BRD10: variants seen among roughly 807,000 people sequenced by gnomAD.
BRD10 encodes bromodomain containing 10.
At chr9:5,916,981 G>A in the BRD10 span, among the ~76,000 whole-genome samples, 13 of 152,168 alleles carry the variant, frequency 8.5e-5, no homozygotes, top group South Asian at 6.2e-4. Context: ...GGTTTTTGAA[G>A]ATATAAATCC....
chr9:5,942,896 G>C, the BRD10 span, among the ~76,000 whole-genome samples: 3 of 151,844 alleles, frequency 2.0e-5, no homozygotes, highest in East Asian at 1.9e-4. Flanking sequence ...CTGTTTTTTT[G>C]AGTCAGGCTC....
chr9:5,988,156 A>G, the BRD10 span, among the ~76,000 whole-genome samples: 1 of 152,214 alleles, frequency 6.6e-6, no homozygotes, highest in Admixed American at 6.5e-5. Context: ...TTATTTTTGT[A>G]TAGCTTCAAG....
At chr9:5,947,991 C>T in the BRD10 span, among the ~76,000 whole-genome samples, 118 of 152,250 alleles carry the variant, frequency 7.8e-4, no homozygotes, top group African/African-American at 2.7e-3. Context: ...ACATTGCTAA[C>T]ACTTATGAGA....
chr9:5,954,118 C>G, the BRD10 span: 4 of 1,338,404 alleles, frequency 3.0e-6, no homozygotes, highest in South Asian at 5.0e-5. Flanking sequence ...AAAGAGAAAA[C>G]CTTCATAATG....
At chr9:5,949,423 A>G in the BRD10 span, among the ~76,000 whole-genome samples, 2 of 152,192 alleles carry the variant, frequency 1.3e-5, no homozygotes, top group South Asian at 4.1e-4. Flanking sequence ...TTTGGTTTCA[A>G]TTTGTTATGT....
chr9:5,962,112 A>G, the BRD10 span, among the ~76,000 whole-genome samples: 5 of 152,182 alleles, frequency 3.3e-5, no homozygotes, highest in African/African-American at 1.2e-4. Flanking sequence ...TCTTGTGGGC[A>G]TTTAGTGCTA....
chr9:6,000,472 T>C, the BRD10 span, among the ~76,000 whole-genome samples: 6 of 152,136 alleles, frequency 3.9e-5, no homozygotes, highest in Non-Finnish European at 7.4e-5. Flanking sequence ...AGGGATGACA[T>C]TTTCTCTCCA....
chr9:5,970,948 A>C, the BRD10 span, among the ~76,000 whole-genome samples: 2 of 147,934 alleles, frequency 1.4e-5, no homozygotes, highest in Non-Finnish European at 3.0e-5. Flanking sequence ...GCTACTAGGG[A>C]GGCTGAGGCA....
At chr9:5,999,807 T>G in the BRD10 span, among the ~76,000 whole-genome samples, 135 of 152,028 alleles carry the variant, frequency 8.9e-4, no homozygotes, top group African/African-American at 3.2e-3. Flanking sequence ...ATATCCATCT[T>G]TGAATCTCCC....
chr9:5,996,717 A>G, the BRD10 span, among the ~76,000 whole-genome samples: 1 of 152,340 alleles, frequency 6.6e-6, no homozygotes, highest in Non-Finnish European at 1.5e-5. Flanking sequence ...AGGCAAATGC[A>G]AAGTTTTTAT....
At chr9:5,882,404 GA>G in the BRD10 span, among the ~76,000 whole-genome samples, 1 of 152,188 alleles carries the variant, frequency 6.6e-6, no homozygotes, top group Non-Finnish European at 1.5e-5. Flanking sequence ...AAACAAGTGT[GA>G]AAGTAGTCAG....
At chr9:5,911,439 T>G in the BRD10 span, among the ~76,000 whole-genome samples, 3 of 150,606 alleles carry the variant, frequency 2.0e-5, no homozygotes, top group Admixed American at 2.0e-4. Context: ...AGTACCATGA[T>G]GTTTTGGTTA....
chr9:5,974,125 A>C, the BRD10 span, among the ~76,000 whole-genome samples: 1 of 152,192 alleles, frequency 6.6e-6, no homozygotes, highest in Admixed American at 6.5e-5. Flanking sequence ...ACACAAAAAA[A>C]ATCTTAAAAG....
chr9:6,003,172 A>G, the BRD10 span, among the ~76,000 whole-genome samples: 3 of 152,232 alleles, frequency 2.0e-5, no homozygotes, highest in Admixed American at 1.3e-4. Context: ...TATTTTCACC[A>G]AGATATTATC....
chr9:5,904,807 T>A, the BRD10 span, among the ~76,000 whole-genome samples: 1 of 149,640 alleles, frequency 6.7e-6, no homozygotes, highest in Non-Finnish European at 1.5e-5. Context: ...GGAGTCTCAC[T>A]CCGTTGCCCA....
the BRD10 span, chr9:5,907,144 C>T: frequency 4.8e-6 from 2 of 416,786 alleles, no homozygotes; most frequent in African/African-American, 4.1e-5. Context: ...GTTAAAATGG[C>T]AACTTTTATG....
chr9:5,886,659 T>C, the BRD10 span, among the ~76,000 whole-genome samples: 1 of 152,078 alleles, frequency 6.6e-6, no homozygotes, highest in Admixed American at 6.5e-5. Context: ...TTGGAAGTGT[T>C]GAAAATGAAG....
the BRD10 span, among the ~76,000 whole-genome samples, chr9:5,918,030 T>A: frequency 3.9e-5 from 6 of 152,256 alleles, no homozygotes; most frequent in African/African-American, 1.4e-4. Context: ...CAGCCATTTG[T>A]TGAGCACCAT....
the BRD10 span, among the ~76,000 whole-genome samples, chr9:6,005,759 A>T: frequency 6.6e-6 from 1 of 152,258 alleles, no homozygotes; most frequent in Non-Finnish European, 1.5e-5. Context: ...GAGTCACAGC[A>T]ATAATGCACT....
Sources: gnomAD v4.1 joint callset for allele counts (sites outside exome capture counted in the v4.1 genomes callset) on GRCh38, gnomAD v4.1.1 for gene constraint, MANE v1.5 for transcripts, NCBI Gene and HGNC (gene_info 2026-07-23, HGNC 2026-07-21) for gene names.